Variants in LGMN observed in about 807,000 individuals in gnomAD.
LGMN encodes asparaginyl endopeptidase.
LGMN carries 36 observed loss-of-function variants against 56.8 expected under a neutral mutation model. The ratio of observed to expected loss-of-function variants is 0.63; its 90% confidence interval spans 0.49 to 0.84. The LOEUF is 0.84. LGMN is among the 40% of genes least tolerant of loss of function. LGMN has a pLI of 0.00. For synonymous variants in LGMN, 199 were observed against 210.1 expected (o/e 0.95, Z 0.46); for missense variants, 446 against 556.1 (o/e 0.80, Z 1.99).
intron 1 of LGMN, among the ~76,000 whole-genome samples, chr14:92,739,890 G>A (rs76481497): frequency 1.6e-4 from 25 of 152,272 alleles, no homozygotes; most frequent in East Asian, 1.2e-3. Context: ...CACATGCATC[G>A]TCTGCTAACC....
rs572571345 is a variant in LGMN, at chr14:92,706,979, G to A, written c.1021-326C>T. Among the ~76,000 whole-genome samples the A allele has an allele frequency of 2.3e-4, 35 of 152,252 alleles. No individual in the cohort carries two copies. The East Asian group carries it at 6.2e-3, about 27-fold the overall frequency. ...TGTGCCGTGAGGGTGCTGTGTCCAC[G>A]GGCACCTCTGCCCATTCAGGAAACT... On this transcript the variant is annotated intron_variant, in intron 11 of 13. Transcript: ENST00000334869.
At chr14:92,729,662 A>C (rs1266295251) in intron 2 of LGMN, among the ~76,000 whole-genome samples, 1 of 152,206 alleles carries the variant, frequency 6.6e-6, no homozygotes, top group African/African-American at 2.4e-5. Context: ...TGTTGTGTTA[A>C]TCCAAGGAAA....
chr14:92,714,994 A>ATTTTT lies in LGMN; in HGVS notation c.405-548_405-544dup, dbSNP rs780256263. 4.9e-4 allele frequency among the ~76,000 whole-genome samples: 63 copies of ATTTTT among 127,370 alleles called. 1 individual carries two copies. The highest frequency in any genetic ancestry group is 1.9e-3 in the African/African-American group (62 of 32,460). The allele number at this position is 127,370 out of a possible 152,430, so 83.6% of individuals were successfully genotyped here. A position where few individuals can be genotyped will look rare whatever the true frequency, so the allele number is the denominator to read the frequency against. ...CTCACAGATGTCCATCTCCATACTAATTTTTTTTTTTTTTTTTTTTTTGAG... is the reference window on the plus strand; with the variant it reads ...CTCACAGATGTCCATCTCCATACTAATTTTTTTTTTTTTTTTTTTTTTTTTTTGAG... On this transcript the variant is annotated intron_variant, in intron 5 of 13. Transcript: ENST00000334869. This position sits in a 1 kb window ranked among gnomAD's most constrained non-coding sequence, Gnocchi z 5.1.
intron 1 of LGMN, chr14:92,741,283 T>C (rs1368504834): frequency 1.3e-5 from 2 of 152,066 alleles, no homozygotes; most frequent in African/African-American, 2.4e-5. Context: ...CAGTGCCCAT[T>C]CCAGATAAAT....
At chr14:92,713,692 G>A (rs1889915138) in intron 7 of LGMN, 131 bp downstream of exon 7, 2 of 721,102 alleles carry the variant, frequency 2.8e-6, no homozygotes, top group Non-Finnish European at 5.1e-6. Flanking sequence ...GGAAACCAGG[G>A]ATTGGAAGGA....
At chr14:92,707,296 G>A (rs79340292) in intron 11 of LGMN, among the ~76,000 whole-genome samples, 6,927 of 149,060 alleles carry the variant, frequency 0.046, 257 homozygotes, top group East Asian at 0.18. Context: ...TGTCCTACCC[G>A]CTCTCCAGCC....
At chr14:92,719,216 CCAA>C (rs1186826595) in intron 2 of LGMN, among the ~76,000 whole-genome samples, 4 of 121,216 alleles carry the variant, frequency 3.3e-5, no homozygotes, top group Non-Finnish European at 5.0e-5. Flanking sequence ...ACCACCGCCA[CCAA>C]CACCACCACC....
chr14:92,727,053 C>T (rs1340070502), intron 2 of LGMN, among the ~76,000 whole-genome samples: 1 of 152,178 alleles, frequency 6.6e-6, no homozygotes, highest in African/African-American at 2.4e-5. Context: ...TTGGATGTGA[C>T]ACCTGGAGCT....
intron 2 of LGMN, among the ~76,000 whole-genome samples, chr14:92,725,385 T>TA (rs967863336): frequency 6.6e-6 from 1 of 151,324 alleles, no homozygotes; most frequent in Admixed American, 6.6e-5. Flanking sequence ...TTCATCTCTA[T>TA]AAAAAAAAAT....
intron 1 of LGMN, among the ~76,000 whole-genome samples, chr14:92,746,111 G>T (rs1308909457): frequency 6.6e-6 from 1 of 152,058 alleles, no homozygotes. Flanking sequence ...ACGAGCCACC[G>T]CGCCCAGCGA....
chr14:92,731,877 T>C (rs944609981), intron 2 of LGMN, among the ~76,000 whole-genome samples: 3 of 152,258 alleles, frequency 2.0e-5, no homozygotes, highest in East Asian at 1.9e-4. Flanking sequence ...TGCCAGACTC[T>C]TTCCCAAGGT....
chr14:92,722,032 T>C (rs1212181265), intron 2 of LGMN, among the ~76,000 whole-genome samples: 5 of 152,160 alleles, frequency 3.3e-5, no homozygotes, highest in African/African-American at 9.7e-5. Context: ...AACAGGCAAA[T>C]GTAAACATTA....
chr14:92,711,423 T>C (rs898924183), intron 10 of LGMN, among the ~76,000 whole-genome samples: 1 of 152,140 alleles, frequency 6.6e-6, no homozygotes, highest in Non-Finnish European at 1.5e-5. Context: ...GAAAACAAAT[T>C]CACAGAAGTG....
At chr14:92,709,085 G>A (rs1327109934) in intron 11 of LGMN, among the ~76,000 whole-genome samples, 1 of 152,028 alleles carries the variant, frequency 6.6e-6, no homozygotes, top group Non-Finnish European at 1.5e-5. Context: ...CAGACTCACT[G>A]ATTGGAAAGG....
chr14:92,723,813 C>G (rs146603625), intron 2 of LGMN, among the ~76,000 whole-genome samples: 2,871 of 152,190 alleles, frequency 0.019, 100 homozygotes, highest in African/African-American at 0.065. Flanking sequence ...CTCACTGCAG[C>G]CTCTGCCTCC....
Position 92,718,763 on chromosome 14 carries a change from T to C in LGMN, c.220A>G (p.Ile74Val), listed in dbSNP as rs1890199206. ...CCCACTTACTCTTCAGAGTAAGCAA[T>C]GTCATCGTACATCATCACAACGATC... ...EQIVVMMYDD[I>V]AYSEDNPTPG... The change falls in exon 3 of 14, where the codon ATT becomes GTT. Residue 74 changes from isoleucine (I) to valine (V), a missense_variant. Physicochemically the swap from Ile to Val is conservative, Grantham distance 29. Transcript: ENST00000334869. 1.2e-6 allele frequency: 2 copies of C among 1,611,294 alleles called. No individual in the cohort carries two copies. Among genetic ancestry groups the C allele is most frequent in the Admixed American group, 1.7e-5 (1 of 59,946 alleles).
chr14:92,704,928 G>A (rs1224885345), intron 12 of LGMN: 2 of 504,020 alleles, frequency 4.0e-6, no homozygotes, highest in East Asian at 6.7e-5. Context: ...GGGGGCTGGC[G>A]GGGTTCTGCA....
chr14:92,718,688 A>C, intron 3 of LGMN, 59 bp downstream of exon 3: 2 of 1,121,234 alleles, frequency 1.8e-6, no homozygotes, highest in South Asian at 1.3e-5. Context: ...AGTCTATGTG[A>C]CCTTTTTTTA....
chr14:92,721,905 A>C (rs547003929), intron 2 of LGMN, among the ~76,000 whole-genome samples: 2 of 152,336 alleles, frequency 1.3e-5, no homozygotes, highest in South Asian at 2.1e-4. Flanking sequence ...AACTTTTAAA[A>C]ATACGCAAAC....
Sources: allele counts gnomAD v4.1 joint callset (sites outside exome capture counted in the v4.1 genomes callset), GRCh38; gene constraint gnomAD v4.1.1; non-coding constraint Gnocchi (gnomAD v3.1); transcripts MANE v1.5; gene names NCBI Gene and HGNC (gene_info 2026-07-23, HGNC 2026-07-21).